The following CCDC178 variants were observed in gnomAD, a reference collection of about 807,000 sequenced individuals.
The protein encoded by CCDC178 is coiled-coil domain-containing protein 178.
CCDC178 carries 126 observed loss-of-function variants against 117.4 expected under a neutral mutation model. That is an observed-to-expected ratio of 1.07 (90% CI 0.93 to 1.24). The LOEUF is 1.24. CCDC178 is among the 50% of genes most tolerant of loss of function. The pLI, the probability that CCDC178 is intolerant of heterozygous loss-of-function variation, is 0.00. For missense variants in CCDC178, 1,030 were observed against 986.9 expected, an observed-to-expected ratio of 1.04 and a Z score of -0.59; for synonymous variants, 283 against 313.4, an observed-to-expected ratio of 0.90 and a Z score of 1.02.
At chr18:33,174,896 C>G (rs1167237930) in intron 20 of CCDC178, among the ~76,000 whole-genome samples, 2 of 151,938 alleles carry the variant, frequency 1.3e-5, no homozygotes, top group African/African-American at 4.8e-5. Flanking sequence ...CTCTTATGTC[C>G]CAGGCTGGAG....
At chr18:33,351,857 A>G (rs888037883) in intron 7 of CCDC178, among the ~76,000 whole-genome samples, 4 of 152,160 alleles carry the variant, frequency 2.6e-5, no homozygotes, top group Admixed American at 2.6e-4. Context: ...CCGGCCTGTC[A>G]TGTATATTCA....
intron 15 of CCDC178, among the ~76,000 whole-genome samples, chr18:33,229,272 A>G (rs560722775): frequency 3.3e-5 from 5 of 152,332 alleles, no homozygotes; most frequent in African/African-American, 4.8e-5. Flanking sequence ...CAAGGCTATC[A>G]TTCTATTTTT....
chr18:33,393,700 C>T (rs1326818582), intron 4 of CCDC178, among the ~76,000 whole-genome samples: 1 of 152,232 alleles, frequency 6.6e-6, no homozygotes, highest in Non-Finnish European at 1.5e-5. Flanking sequence ...TATATTATTG[C>T]ATAACTACAG....
intron 20 of CCDC178, among the ~76,000 whole-genome samples, chr18:33,152,476 A>G (rs887976839): frequency 6.6e-6 from 1 of 151,734 alleles, no homozygotes; most frequent in African/African-American, 2.4e-5. Context: ...CTGGGGCTTG[A>G]CCTCTTGTGC....
rs12959817 is a variant in CCDC178 at position 33,072,978 on chromosome 18, A to G, written c.2388+19783T>C. 2.5e-3 allele frequency among the ~76,000 whole-genome samples: 373 copies of G among 152,178 alleles called. 1 individual carries two copies. The highest frequency in any genetic ancestry group is 4.0e-3 in the Non-Finnish European group (273 of 67,996). ...AGTATTTACAGTGGGAGCTGAGGAT[A>G]TTTGGGATTGTGTCTGACTTGGATT... On this transcript the variant is annotated intron_variant, in intron 21 of 22. Coordinates refer to ENST00000383096, the MANE Select transcript of CCDC178 (RefSeq NM_001105528.4).
intron 21 of CCDC178, among the ~76,000 whole-genome samples, chr18:33,042,303 A>C (rs552308431): frequency 1.3e-5 from 2 of 152,054 alleles, no homozygotes; most frequent in South Asian, 4.1e-4. Flanking sequence ...TATTCCTGCC[A>C]AAAATATTTA....
chr18:33,049,177 A>G (rs1285050766), intron 21 of CCDC178, among the ~76,000 whole-genome samples: 2 of 152,274 alleles, frequency 1.3e-5, no homozygotes, highest in African/African-American at 2.4e-5. Flanking sequence ...TAGCCTCACA[A>G]TAAGATTTTT....
intron 14 of CCDC178, among the ~76,000 whole-genome samples, chr18:33,259,091 T>C (rs1268725270): frequency 6.6e-6 from 1 of 151,512 alleles, no homozygotes. Flanking sequence ...TTTGTAACTG[T>C]AAAAAAAAGG....
chr18:33,011,943 CA>C (rs1260911162), intron 21 of CCDC178, among the ~76,000 whole-genome samples: 2 of 151,872 alleles, frequency 1.3e-5, no homozygotes, highest in Admixed American at 1.3e-4. Flanking sequence ...TCTTGCAAGA[CA>C]GGAAGTGAAC....
intron 20 of CCDC178, among the ~76,000 whole-genome samples, chr18:33,133,321 G>A (rs1230706972): frequency 1.3e-5 from 2 of 151,722 alleles, no homozygotes; most frequent in Non-Finnish European, 3.0e-5. Context: ...TTTTAAAGAC[G>A]TTTAATTTTT....
chr18:32,978,410 G>A (rs1598748687), intron 21 of CCDC178, among the ~76,000 whole-genome samples: 1 of 151,844 alleles, frequency 6.6e-6, no homozygotes, highest in African/African-American at 2.4e-5. Flanking sequence ...CAACTAAGAT[G>A]CTGCAAAGAA....
intron 8 of CCDC178, among the ~76,000 whole-genome samples, chr18:33,346,979 T>C (rs1044494173): frequency 6.6e-6 from 1 of 152,166 alleles, no homozygotes; most frequent in Non-Finnish European, 1.5e-5. Context: ...GATTCCTGGT[T>C]CACAGTTCTG....
At chr18:33,395,362 C>T (rs973138962) in intron 4 of CCDC178, among the ~76,000 whole-genome samples, 15 of 152,006 alleles carry the variant, frequency 9.9e-5, no homozygotes, top group Non-Finnish European at 1.6e-4. Context: ...TAACTCCCAA[C>T]TAAATTGTAA....
intron 3 of CCDC178, among the ~76,000 whole-genome samples, chr18:33,402,348 A>G (rs2063719743): frequency 1.3e-5 from 2 of 152,230 alleles, no homozygotes; most frequent in African/African-American, 4.8e-5. Context: ...GTAAGAACAC[A>G]AACATTTGTG....
intron 14 of CCDC178, among the ~76,000 whole-genome samples, chr18:33,253,908 TTAAA>T (rs1300369918): frequency 6.6e-6 from 1 of 151,854 alleles, no homozygotes; most frequent in Non-Finnish European, 1.5e-5. Context: ...GTAATCAAGA[TTAAA>T]TAAATTGAGG....
intron 20 of CCDC178, among the ~76,000 whole-genome samples, chr18:33,202,090 T>C (rs2144558255): frequency 6.6e-6 from 1 of 152,184 alleles, no homozygotes; most frequent in South Asian, 2.1e-4. Context: ...TGGGTACATA[T>C]TTCCACTTAA....
intron 20 of CCDC178, among the ~76,000 whole-genome samples, chr18:33,150,587 G>C (rs1026809828): frequency 2.6e-5 from 4 of 152,094 alleles, no homozygotes; most frequent in African/African-American, 7.2e-5. Flanking sequence ...ATTATCAAAA[G>C]AAGATATGCA....
In CCDC178 at chr18:33,344,499, G is replaced by A. The variant is rs1357594018; in HGVS notation, c.658+1712C>T. Among the ~76,000 whole-genome samples, 9 of 152,030 alleles carry A rather than the reference G, an allele frequency of 5.9e-5. No homozygotes were observed. In the East Asian group the frequency reaches 1.2e-3, roughly 20 times the overall value. The stretch of plus-strand genomic sequence containing the variant: ...AAATATTTATTCCATAGTTCAAAAC[G>A]TATTTATTAAGTACCTATAATGTGC... On this transcript the variant is annotated intron_variant, in intron 9 of 22. Transcript: ENST00000383096.
intron 15 of CCDC178, among the ~76,000 whole-genome samples, chr18:33,231,812 CCT>C (rs1242411479): frequency 6.6e-6 from 1 of 152,118 alleles, no homozygotes; most frequent in African/African-American, 2.4e-5. Context: ...GCTGCTGAAC[CCT>C]ATGTTGAGAC....
Sources: allele counts gnomAD v4.1 joint callset (sites outside exome capture counted in the v4.1 genomes callset), GRCh38; gene constraint gnomAD v4.1.1; transcripts MANE v1.5; gene names NCBI Gene and HGNC (gene_info 2026-07-23, HGNC 2026-07-21).